NAV3: variants seen among roughly 807,000 people sequenced by gnomAD.
NAV3 encodes the protein neuron navigator 3, also known as pore membrane and/or filament interacting like protein 1.
A neutral mutation model predicts 244.7 loss-of-function variants in NAV3; 87 were observed. The ratio of observed to expected loss-of-function variants is 0.36; its 90% confidence interval spans 0.30 to 0.42. The LOEUF (loss-of-function observed/expected upper bound fraction) is 0.42. Ranked by LOEUF, NAV3 falls within the 20% of genes least tolerant of loss-of-function variation. The pLI is 1.00. For synonymous variants in NAV3, 1,126 were observed against 1,042.2 expected (o/e 1.08, Z -1.55); for missense variants, 2,663 against 2,893.3 (o/e 0.92, Z 1.83).
At chr12:78,125,314 T>C (rs928338703) in intron 16 of NAV3, among the ~76,000 whole-genome samples, 2 of 152,222 alleles carry the variant, frequency 1.3e-5, no homozygotes, top group Non-Finnish European at 2.9e-5. Flanking sequence ...GATACTCATA[T>C]TTAAATCGGT....
intron 2 of NAV3, among the ~76,000 whole-genome samples, chr12:77,771,902 T>TATAC (rs1870109719): frequency 1.5e-5 from 2 of 132,744 alleles, no homozygotes; most frequent in African/African-American, 5.5e-5. Context: ...CCCTAAAACT[T>TATAC]AAAGTGTAAT....
At chr12:77,640,280 T>C (rs1055123470) in intron 2 of NAV3, among the ~76,000 whole-genome samples, 1 of 151,966 alleles carries the variant, frequency 6.6e-6, no homozygotes, top group African/African-American at 2.4e-5. Flanking sequence ...TAAGTTGTGG[T>C]GCAACACACA....
At position 78,119,303 on chromosome 12, in the gene NAV3, G is replaced by A. The variant is rs1955562335; in HGVS notation, c.3107G>A (p.Arg1036Lys). ...CCCCTAAAAGGATCATCTCTACAAA[G>A]ATCTCCTTCAGATGCAGGAAAAAGC... ...KAPLKGSSLQ[R>K]SPSDAGKSSG... Residue 1036 changes from arginine to lysine, a missense_variant, in exon 15 of 40, where the codon AGA (arginine) becomes AAA (lysine). Physicochemically the swap from Arg to Lys is conservative, Grantham distance 26 (BLOSUM62 2). This residue lies in a region of NAV3 where 1,521 missense variants were observed against 1,497.0 expected (regional missense o/e 1.02). Coordinates refer to ENST00000397909, the MANE Select transcript of NAV3 (RefSeq NM_001024383.2). 6.2e-7 allele frequency: 1 copy of A among 1,614,040 alleles called. No individual in the cohort carries two copies. The highest frequency in any genetic ancestry group is 1.7e-5 in the Admixed American group (1 of 59,994).
chr12:77,736,114 A>G (rs1379270751), intron 2 of NAV3, among the ~76,000 whole-genome samples: 1 of 152,254 alleles, frequency 6.6e-6, no homozygotes, highest in Non-Finnish European at 1.5e-5. Flanking sequence ...TGTGAGATAT[A>G]GACAAGTAAA....
chr12:77,639,863 CAG>C (rs1284863316), intron 2 of NAV3, among the ~76,000 whole-genome samples: 11 of 152,146 alleles, frequency 7.2e-5, no homozygotes, highest in Non-Finnish European at 1.6e-4. Context: ...ACAGAAGAGG[CAG>C]AGACTCAAGT....
chr12:77,761,653 G>A (rs1869470058), intron 2 of NAV3, among the ~76,000 whole-genome samples: 1 of 152,112 alleles, frequency 6.6e-6, no homozygotes, highest in African/African-American at 2.4e-5. Context: ...AGACATTTAT[G>A]CGGCCAAGAA....
intron 18 of NAV3, chr12:78,130,413 AT>A (rs773919255): frequency 7.7e-5 from 17 of 222,168 alleles, no homozygotes; most frequent in Admixed American, 1.7e-4. Flanking sequence ...TTGTCTCCAT[AT>A]TCTTTTTCTG....
intron 2 of NAV3, among the ~76,000 whole-genome samples, chr12:77,701,954 A>G (rs1049387099): frequency 2.6e-5 from 4 of 151,982 alleles, no homozygotes; most frequent in African/African-American, 4.8e-5. Flanking sequence ...CTCTATTGCT[A>G]TTGGGCATAG....
rs1029504238 is a variant in NAV3 at position 77,702,675 on chromosome 12, T to G, written c.72+130409T>G. Among the ~76,000 whole-genome samples the G allele has an allele frequency of 3.0e-4, 46 of 152,152 alleles. 1 individual carries two copies. The highest frequency in any genetic ancestry group is 1.1e-3 in the African/African-American group (45 of 41,584). On this transcript the variant is annotated intron_variant, in intron 2 of 8. Transcript: ENST00000550042. ...ATATTATATCACTTCACATGAAATG[T>G]AAGAAACAAAGTATTTTTCTACTTA... is the stretch of plus-strand genomic sequence containing the variant.
At chr12:78,140,841 C>T (rs1190990661) in intron 20 of NAV3, among the ~76,000 whole-genome samples, 1 of 150,672 alleles carries the variant, frequency 6.6e-6, no homozygotes, top group Non-Finnish European at 1.5e-5. Context: ...TTAAATATAC[C>T]TTTTGAAAGA....
intron 2 of NAV3, among the ~76,000 whole-genome samples, chr12:77,615,187 T>C (rs1296830458): frequency 6.6e-6 from 1 of 152,244 alleles, no homozygotes; most frequent in Non-Finnish European, 1.5e-5. Flanking sequence ...TATAAAAGTT[T>C]ATTTTGTAAT....
At chr12:78,165,684 A>G (rs1437338653) in intron 23 of NAV3, among the ~76,000 whole-genome samples, 1 of 151,872 alleles carries the variant, frequency 6.6e-6, no homozygotes, top group Non-Finnish European at 1.5e-5. Context: ...CTTAAAAAAT[A>G]AATGTGAACA....
chr12:77,842,593 G>T (rs969529207), intron 1 of NAV3, among the ~76,000 whole-genome samples: 1 of 150,628 alleles, frequency 6.6e-6, no homozygotes, highest in Admixed American at 6.7e-5. Context: ...TGACTGCATT[G>T]TTGTGTAAGG....
intron 2 of NAV3, among the ~76,000 whole-genome samples, chr12:77,600,122 CAT>C (rs1365548834): frequency 2.6e-5 from 4 of 152,048 alleles, no homozygotes; most frequent in East Asian, 3.9e-4. Flanking sequence ...ATGTGTAAAA[CAT>C]GTGGTGAAAG....
intron 12 of NAV3, among the ~76,000 whole-genome samples, chr12:78,076,220 G>A (rs541257515): frequency 2.4e-4 from 36 of 152,222 alleles, no homozygotes; most frequent in Admixed American, 1.8e-3. Context: ...ATTCTGTGGC[G>A]TTGCTTATGC....
chr12:78,177,635 G>T lies in NAV3; in HGVS notation c.5313G>T (p.Trp1771Cys). Residue 1771 changes from tryptophan to cysteine, a missense_variant, in exon 28 of 40, where the codon TGG becomes TGT. By Grantham distance (215) the Trp-to-Cys change is radical. Transcript: ENST00000397909. ...GTACATACAGGTCACCCCTTGTCTG[G>T]CCACCAAAGAAACGACAAAATGGCC... ...SQSASASPLV[W>C]PPKKRQNGPV... 1 of 1,596,960 alleles carries T rather than the reference G, an allele frequency of 6.3e-7. No individual in the cohort carries two copies. Among genetic ancestry groups the T allele is most frequent in the East Asian group, 2.2e-5 (1 of 44,672 alleles).
upstream of NAV3, among the ~76,000 whole-genome samples, chr12:77,828,467 A>G (rs1873247664): frequency 6.6e-6 from 1 of 152,338 alleles, no homozygotes; most frequent in East Asian, 1.9e-4. Context: ...GTAAGCACTC[A>G]GGTCACCATC....
intron 2 of NAV3, among the ~76,000 whole-genome samples, chr12:77,735,144 C>G (rs1395302861): frequency 6.6e-6 from 1 of 151,884 alleles, no homozygotes; most frequent in African/African-American, 2.4e-5. Context: ...TATTTATGTA[C>G]AGTAGAATGA....
chr12:78,210,540 A>G lies in NAV3; in HGVS notation c.*23A>G. 6.2e-7 allele frequency: 1 copy of G among 1,604,104 alleles called. No homozygotes were observed. The highest frequency in any genetic ancestry group is 8.5e-7 in the Non-Finnish European group (1 of 1,176,856). On this transcript the variant is annotated 3_prime_UTR_variant, in exon 40 of 40. Coordinates refer to ENST00000397909, the MANE Select transcript of NAV3 (RefSeq NM_001024383.2). ...TAGAGGGTGAAAAAAGTTAAGGGAA[A>G]AGACTTTGCTTTTAAAAAAATGTTT...
Sources: gnomAD v4.1 joint callset for allele counts (sites outside exome capture counted in the v4.1 genomes callset) on GRCh38, gnomAD v4.1.1 for gene constraint, gnomAD v4.1.1 regional missense constraint, MANE v1.5 for transcripts, NCBI Gene and HGNC (gene_info 2026-07-23, HGNC 2026-07-21) for gene names.